COL5A2: variants seen among roughly 807,000 people sequenced by gnomAD.
COL5A2 encodes collagen type V alpha 2 chain, also known as collagen alpha-2(V) chain.
Under a neutral mutation model 208.2 loss-of-function variants are expected in COL5A2, and 23 were observed. The ratio of observed to expected loss-of-function variants is 0.11; its 90% confidence interval spans 0.08 to 0.16. The LOEUF is 0.16. Among genes scored for constraint, COL5A2 ranks in the 10% least tolerant of loss-of-function variants. The pLI, the probability that COL5A2 is intolerant of heterozygous loss-of-function variation, is 1.00. For synonymous variants in COL5A2, 625 were observed against 628.5 expected, an observed-to-expected ratio of 0.99 and a Z score of 0.08; for missense variants, 1,590 against 1,956.4, an observed-to-expected ratio of 0.81 and a Z score of 3.53.
At chr2:189,038,244 G>T (rs1387379866) in intron 51 of COL5A2, among the ~76,000 whole-genome samples, 1 of 152,068 alleles carries the variant, frequency 6.6e-6, no homozygotes, top group Non-Finnish European at 1.5e-5. Flanking sequence ...GTCCATGTGT[G>T]CTCATTAGCT....
chr2:189,311,541 G>C, the COL5A2 span: 74 of 1,259,226 alleles, frequency 5.9e-5, no homozygotes, highest in Middle Eastern at 5.2e-4. Flanking sequence ...ATCCTGTTGA[G>C]CTGCTCCATC....
At chr2:189,334,076 T>C in the COL5A2 span, among the ~76,000 whole-genome samples, 4 of 152,024 alleles carry the variant, frequency 2.6e-5, no homozygotes, top group East Asian at 1.9e-4. Context: ...CACCCAGTCA[T>C]AATTCAAAAT....
chr2:189,113,800 G>A (rs1020001141), intron 1 of COL5A2, among the ~76,000 whole-genome samples: 6 of 151,254 alleles, frequency 4.0e-5, no homozygotes, highest in Admixed American at 3.3e-4. Flanking sequence ...TGGAAGCAGA[G>A]AATATGAAAA....
the COL5A2 span, among the ~76,000 whole-genome samples, chr2:189,428,070 G>T: frequency 1.3e-5 from 2 of 152,186 alleles, no homozygotes; most frequent in African/African-American, 4.8e-5. Flanking sequence ...GTTAATGCTA[G>T]ACTGAGTTAA....
the COL5A2 span, among the ~76,000 whole-genome samples, chr2:189,242,814 C>A: frequency 6.6e-6 from 1 of 152,094 alleles, no homozygotes; most frequent in Non-Finnish European, 1.5e-5. Flanking sequence ...TGAAAAGGAA[C>A]CTGTCAGATG....
the COL5A2 span, among the ~76,000 whole-genome samples, chr2:189,378,269 A>G: frequency 6.6e-6 from 1 of 152,206 alleles, no homozygotes; most frequent in South Asian, 2.1e-4. Context: ...ATAAAATATA[A>G]TTAGAAATAG....
chr2:189,369,175 G>T, the COL5A2 span, among the ~76,000 whole-genome samples: 1 of 152,036 alleles, frequency 6.6e-6, no homozygotes, highest in African/African-American at 2.4e-5. Flanking sequence ...ACTTACCAAA[G>T]ATTTAAGTTA....
At chr2:189,091,948 G>A (rs538062615) in intron 7 of COL5A2, among the ~76,000 whole-genome samples, 181 of 152,238 alleles carry the variant, frequency 1.2e-3, no homozygotes, top group Middle Eastern at 3.4e-3. Flanking sequence ...GGAGGATACG[G>A]AGCAGATTTT....
chr2:189,051,537 T>G, intron 41 of COL5A2, 56 bp from the exon 42 acceptor site: 1 of 1,520,276 alleles, frequency 6.6e-7, no homozygotes, highest in Non-Finnish European at 8.9e-7. Context: ...CAAGTAAGAG[T>G]GATTGACATA....
intron 1 of COL5A2, among the ~76,000 whole-genome samples, chr2:189,214,572 T>A (rs1689255561): frequency 6.6e-6 from 1 of 152,156 alleles, no homozygotes. Flanking sequence ...AATTTCTCTA[T>A]CTTCATTTTT....
At chr2:189,230,573 G>A in the COL5A2 span, among the ~76,000 whole-genome samples, 1 of 151,408 alleles carries the variant, frequency 6.6e-6, no homozygotes, top group Non-Finnish European at 1.5e-5. Flanking sequence ...CAGCTAACAG[G>A]TACATGAAAA....
At chr2:189,408,387 G>A in the COL5A2 span, among the ~76,000 whole-genome samples, 6 of 152,094 alleles carry the variant, frequency 3.9e-5, no homozygotes, top group Admixed American at 2.6e-4. Context: ...GGTGTGATGC[G>A]GGAAGAAAGT....
the COL5A2 span, among the ~76,000 whole-genome samples, chr2:189,321,661 T>C: frequency 1.3e-5 from 2 of 152,210 alleles, no homozygotes; most frequent in East Asian, 3.8e-4. Context: ...CCCAGCTTCA[T>C]AAAGCAAGTC....
the COL5A2 span, among the ~76,000 whole-genome samples, chr2:189,281,030 A>T: frequency 6.6e-6 from 1 of 152,006 alleles, no homozygotes; most frequent in South Asian, 2.1e-4. Flanking sequence ...TTCTTATGTA[A>T]TGCATAAAAG....
At chr2:189,295,909 T>A in the COL5A2 span, among the ~76,000 whole-genome samples, 4 of 152,236 alleles carry the variant, frequency 2.6e-5, no homozygotes, top group African/African-American at 9.6e-5. Context: ...AACATTTTCA[T>A]CATCTTTTTT....
intron 1 of COL5A2, among the ~76,000 whole-genome samples, chr2:189,135,626 T>C (rs894573266): frequency 6.6e-6 from 1 of 152,018 alleles, no homozygotes; most frequent in Non-Finnish European, 1.5e-5. Context: ...ACACTATGCT[T>C]ATATCTACAC....
chr2:189,113,520 T>G (rs1365009351), intron 1 of COL5A2, among the ~76,000 whole-genome samples: 3 of 150,650 alleles, frequency 2.0e-5, no homozygotes, highest in Admixed American at 1.3e-4. Context: ...ATATTATATA[T>G]GTTACACATA....
At chr2:189,078,640 C>T (rs372102456) in intron 15 of COL5A2, 71 bp from the exon 16 acceptor site, 30 of 1,201,766 alleles carry the variant, frequency 2.5e-5, no homozygotes, top group Non-Finnish European at 3.2e-5. Flanking sequence ...GACTACCCCA[C>T]TCAATCCAAT....
chr2:189,115,119 A>T (rs1687362394), intron 1 of COL5A2, among the ~76,000 whole-genome samples: 1 of 152,144 alleles, frequency 6.6e-6, no homozygotes. Context: ...TTCCCACAAC[A>T]ATTGTGGCAC....
Sources: allele counts gnomAD v4.1 joint callset (sites outside exome capture counted in the v4.1 genomes callset), GRCh38; gene constraint gnomAD v4.1.1; transcripts MANE v1.5; gene names NCBI Gene and HGNC (gene_info 2026-07-23, HGNC 2026-07-21).